The following HRC variants were observed in gnomAD, a reference collection of about 807,000 sequenced individuals.
HRC encodes the protein histidine rich calcium binding protein.
In HRC, 41 loss-of-function variants were observed where a neutral mutation model predicts 61.4. The observed-to-expected ratio is 0.67, with a 90% CI of 0.52 to 0.87. The LOEUF is 0.87. Ranked by LOEUF, HRC falls within the 40% of genes least tolerant of loss-of-function variation. The pLI is 0.00. For missense variants in HRC, 839 were observed against 885.8 expected (o/e 0.95, Z 0.67); for synonymous variants, 308 against 326.6 (o/e 0.94, Z 0.62).
At position 49,154,620 on chromosome 19, in the gene HRC, G is replaced by GAA. The variant is rs2041403420; in HGVS notation, c.617_618insTT (p.Thr207SerfsTer169). The GAA allele has an allele frequency of 6.3e-7, 1 of 1,599,932 alleles. No homozygotes were observed. Among genetic ancestry groups the GAA allele is most frequent in the African/African-American group, 1.4e-5 (1 of 72,696 alleles). On this transcript the variant is annotated frameshift_variant, in exon 1 of 6. Coordinates refer to ENST00000252825, the MANE Select transcript of HRC (RefSeq NM_002152.3). LOFTEE classifies it high-confidence loss of function. ...TGTGGGCCTGGTGTCCATACTCAGT[G>GAA]GAGGCCTCCTCTTCCTCCTCCTCCT...
rs776889807 is a variant in HRC at position 49,154,629 on chromosome 19, C to T, written c.609G>A (p.Glu203=). 14 of 1,513,104 alleles carry T rather than the reference C, an allele frequency of 9.3e-6. No homozygotes were observed. The highest frequency in any genetic ancestry group is 2.3e-5 in the East Asian group (1 of 43,820). The allele number at this position is 1,513,104 out of a possible 1,614,324, so 93.7% of individuals were successfully genotyped here. The change falls in exon 1 of 6, where the codon GAG becomes GAA. Residue 203 remains glutamate (E), a synonymous_variant. Coordinates refer to ENST00000252825, the MANE Select transcript of HRC (RefSeq NM_002152.3). ...EEEEEEEEEE[E]EASTEYGHQA... The stretch of plus-strand genomic sequence containing the variant: ...GGTGTCCATACTCAGTGGAGGCCTC[C>T]TCTTCCTCCTCCTCCTCCTCCTCCT...
chr19:49,153,310 T>A lies in HRC; in HGVS notation c.1853A>T (p.Tyr618Phe). 2.5e-6 allele frequency: 4 copies of A among 1,613,910 alleles called. No individual in the cohort carries two copies. The highest frequency in any genetic ancestry group is 3.4e-6 in the Non-Finnish European group (4 of 1,179,866). ...EDTGPQDAQE[Y>F]GNYQPGSLCG... Reference sequence around the variant, plus strand: ...CAGGGACCCTGGCTGGTAGTTCCCATACTCCTGAGCATCCTGTGGACCTGC... The same window carrying A: ...CAGGGACCCTGGCTGGTAGTTCCCAAACTCCTGAGCATCCTGTGGACCTGC... Residue 618 changes from tyrosine (Y) to phenylalanine (F), a missense_variant, in exon 2 of 6, where the codon TAT becomes TTT. Transcript: ENST00000252825. The surrounding 1 kb of genome is among the most constrained non-coding windows in gnomAD (Gnocchi z 4.8).
At chr19:49,152,185 G>T in intron 3 of HRC, 125 bp downstream of exon 3, 1 of 1,258,482 alleles carries the variant, frequency 7.9e-7, no homozygotes, top group Non-Finnish European at 1.2e-6. Flanking sequence ...GATCGCTTGT[G>T]GAGTCAAGGT....
chr19:49,152,183 G>C, intron 3 of HRC, 125 bp from the exon 4 acceptor site: 1 of 1,260,252 alleles, frequency 7.9e-7, no homozygotes, highest in African/African-American at 1.5e-5. Flanking sequence ...AGGATCGCTT[G>C]TGGAGTCAAG....
rs1051844211 is a variant in HRC, at chr19:49,154,661, C to T, written c.577G>A (p.Glu193Lys). 1 of 1,604,464 alleles carries T rather than the reference C, an allele frequency of 6.2e-7. No homozygotes were observed. Among genetic ancestry groups the T allele is most frequent in the Non-Finnish European group, 8.5e-7 (1 of 1,172,700 alleles). The change falls in exon 1 of 6, where the codon GAA becomes AAA. Residue 193 changes from glutamate to lysine, a missense_variant. Coordinates refer to ENST00000252825, the MANE Select transcript of HRC (RefSeq NM_002152.3). ...RGHDGEDDEG[E>K]EEEEEEEEEE... ...TCCTCCTCCTCCTCCTCCTCCTCTT[C>T]TCCTTCATCATCTTCCCCATCATGG... is the stretch of plus-strand genomic sequence containing the variant.
intron 4 of HRC, 50 bp from the exon 5 acceptor site, chr19:49,151,603 T>C: frequency 6.5e-7 from 1 of 1,548,650 alleles, no homozygotes; most frequent in Non-Finnish European, 8.9e-7. Context: ...ACGAGCAAAA[T>C]TAGGCAGCCA....
intron 4 of HRC, 38 bp from the exon 5 acceptor site, chr19:49,151,591 G>C: frequency 3.7e-6 from 6 of 1,604,410 alleles, no homozygotes; most frequent in Non-Finnish European, 5.1e-6. Flanking sequence ...GAGGGGTACT[G>C]CACGAGCAAA....
chr19:49,154,209 G>C lies in HRC; in HGVS notation c.1029C>G (p.His343Gln), dbSNP rs1296851261. ...SGEHHHHVPD[H>Q]RHQGHRDEEE... ...CCTCGTCTCTGTGGCCTTGGTGCCT[G>C]TGGTCAGGGACATGATGGTGGTGTT... The change falls in exon 1 of 6, where the codon CAC becomes CAG. Residue 343 changes from histidine to glutamine, a missense_variant. Transcript: ENST00000252825. The C allele has an allele frequency of 3.7e-6, 6 of 1,613,856 alleles. No homozygotes were observed. In the African/African-American group the frequency reaches 8.0e-5, roughly 22 times the overall value.
At position 49,154,011 on chromosome 19, in the gene HRC, C is replaced by T. The variant is rs1474616349; in HGVS notation, c.1227G>A (p.Glu409=). 3 of 1,613,958 alleles carry T rather than the reference C, an allele frequency of 1.9e-6. No individual in the cohort carries two copies. The highest frequency in any genetic ancestry group is 2.2e-5 in the South Asian group (2 of 91,066). ...HKSDEEDFQD[E]YKTEVPHHHH... ...GATGGTGAGGGACTTCTGTTTTATA[C>T]TCATCTTGGAAGTCCTCTTCATCAC... is the stretch of plus-strand genomic sequence containing the variant. Residue 409 remains glutamate (E), a synonymous_variant, in exon 1 of 6, where the codon GAG becomes GAA. Coordinates refer to ENST00000252825, the MANE Select transcript of HRC (RefSeq NM_002152.3).
At chr19:49,151,955 T>C (rs368946949) in intron 4 of HRC, 49 bp downstream of exon 4, 1 of 1,583,318 alleles carries the variant, frequency 6.3e-7, no homozygotes, top group Non-Finnish European at 8.7e-7. Context: ...TTCACCACGC[T>C]GGGCCCGGCA....
chr19:49,153,758 A>T lies in HRC; in HGVS notation c.1480T>A (p.Ser494Thr), dbSNP rs1184178204. The T allele has an allele frequency of 6.2e-7, 1 of 1,613,688 alleles. No individual in the cohort carries two copies. Among genetic ancestry groups the T allele is most frequent in the Non-Finnish European group, 8.5e-7 (1 of 1,179,980 alleles). ...GAACTTTCATCGTCTTCCTCATGGG[A>T]GCCGGGGTCCTCTTCCTTCTCCTTT... is the stretch of plus-strand genomic sequence containing the variant. ...EEKEKEEDPG[S>T]HEEDDESSEQ... Residue 494 changes from serine (S) to threonine (T), a missense_variant, in exon 1 of 6, where the codon TCC (serine) becomes ACC (threonine). Physicochemically the swap from Ser to Thr is moderately conservative, Grantham distance 58 (BLOSUM62 1). Coordinates refer to ENST00000252825, the MANE Select transcript of HRC (RefSeq NM_002152.3). This position sits in a 1 kb window ranked among gnomAD's most constrained non-coding sequence, Gnocchi z 4.8.
chr19:49,151,915 C>G, intron 4 of HRC, 89 bp downstream of exon 4: 2 of 1,341,450 alleles, frequency 1.5e-6, no homozygotes, highest in Non-Finnish European at 2.1e-6. Flanking sequence ...CCCCACCAGC[C>G]TACCGGGCCA....
In HRC at chr19:49,153,957, A is replaced by G. The variant is rs1379068138; in HGVS notation, c.1281T>C (p.Asp427=). The change falls in exon 1 of 6, where the codon GAT becomes GAC. Residue 427 remains aspartate (D), a synonymous_variant. Coordinates refer to ENST00000252825, the MANE Select transcript of HRC (RefSeq NM_002152.3). This position sits in a 1 kb window ranked among gnomAD's most constrained non-coding sequence, Gnocchi z 4.8. ...HHHHRVPREE[D]EEVSAELGHQ... is the part of the protein sequence containing the mutation. ...GGCCAAGCTCAGCAGAGACCTCCTC[A>G]TCTTCCTCCCTGGGGACTCTGTGGT... 1 of 1,613,596 alleles carries G rather than the reference A, an allele frequency of 6.2e-7. No individual in the cohort carries two copies. Among genetic ancestry groups the G allele is most frequent in the Non-Finnish European group, 8.5e-7 (1 of 1,179,876 alleles).
In HRC at chr19:49,152,351, A is replaced by AGTGAC. The variant is rs1490045922; in HGVS notation, c.1925_1929dup (p.Cys644ValfsTer?). 6.2e-7 allele frequency: 1 copy of AGTGAC among 1,613,638 alleles called. No individual in the cohort carries two copies. The highest frequency in any genetic ancestry group is 8.5e-7 in the Non-Finnish European group (1 of 1,179,958). On this transcript the variant is annotated frameshift_variant, in exon 3 of 6. Transcript: ENST00000252825. LOFTEE classifies it high-confidence loss of function. Reference sequence around the variant, plus strand: ...TGCTCACCCATGTTCTCCTCATCACAGTGACAGCTCTCACATTCAGTGCAT... The same window carrying AGTGAC: ...TGCTCACCCATGTTCTCCTCATCACAGTGACGTGACAGCTCTCACATTCAGTGCAT...
Position 49,153,401 on chromosome 19 carries a change from A to G in HRC, c.1831+6T>C, listed in dbSNP as rs746011475. 2.5e-6 allele frequency: 4 copies of G among 1,613,512 alleles called. No homozygotes were observed. Among genetic ancestry groups the G allele is most frequent in the Non-Finnish European group, 3.4e-6 (4 of 1,179,576 alleles). ...CTTCCCACCCACACCAGCCCAGGCC[A>G]CTTACCTGTGTCCTCACCGCTTTCC... On this transcript the variant is annotated splice_donor_region_variant and intron_variant, in intron 1 of 5. Transcript: ENST00000252825. The surrounding 1 kb of genome is among the most constrained non-coding windows in gnomAD (Gnocchi z 4.8).
In HRC at chr19:49,153,428, C is replaced by A. The variant is rs2041380941; in HGVS notation, c.1810G>T (p.Glu604Ter). The change falls in exon 1 of 6, where the codon GAG (glutamate) becomes TAG (stop). Residue 604 changes from glutamate (E) to a stop codon, truncating the protein, a stop_gained. Transcript: ENST00000252825. LOFTEE classifies it high-confidence loss of function. The surrounding 1 kb of genome is among the most constrained non-coding windows in gnomAD (Gnocchi z 4.8). ...REEAGGASSEEESGEDTGPQD... is the reference protein window; with the variant it reads ...REEAGGASSE ...TTACCTGTGTCCTCACCGCTTTCCT[C>A]CTCGCTGGAGGCACCTCCAGCCTCC... 2 of 1,609,606 alleles carry A rather than the reference C, an allele frequency of 1.2e-6. No homozygotes were observed.
intron 3 of HRC, 117 bp downstream of exon 3, chr19:49,152,193 G>T: frequency 8.1e-7 from 1 of 1,241,798 alleles, no homozygotes; most frequent in Non-Finnish European, 1.2e-6. Context: ...GTGGAGTCAA[G>T]GTTGCATCAG....
chr19:49,152,186 G>A, intron 3 of HRC, 124 bp downstream of exon 3: 2 of 1,256,694 alleles, frequency 1.6e-6, no homozygotes, highest in Admixed American at 1.7e-5. Flanking sequence ...ATCGCTTGTG[G>A]AGTCAAGGTT....
In HRC at chr19:49,151,951, A is replaced by G. The variant is rs369880437; in HGVS notation, c.2026+53T>C. 1,535 of 1,569,890 alleles carry G rather than the reference A, an allele frequency of 9.8e-4. 16 individuals are homozygous for G. In the African/African-American group the frequency reaches 0.018, roughly 19 times the overall value. ...GGCTCCGCCCCCACCAGGATTCACC[A>G]CGCTGGGCCCGGCACCTTCCTCAGG... On this transcript the variant is annotated intron_variant, in intron 4 of 5. Transcript: ENST00000252825.
Sources: gnomAD v4.1 joint callset for allele counts on GRCh38, gnomAD v4.1.1 for gene constraint, Gnocchi (gnomAD v3.1) non-coding constraint, MANE v1.5 for transcripts, NCBI Gene and HGNC (gene_info 2026-07-23, HGNC 2026-07-21) for gene names.